The following KCNQ3 variants were observed in gnomAD, a reference collection of about 807,000 sequenced individuals.
KCNQ3 encodes potassium voltage-gated channel subfamily KQT member 3.
Under a neutral mutation model 92.5 loss-of-function variants are expected in KCNQ3, and 30 were observed. The ratio of observed to expected loss-of-function variants is 0.32; its 90% CI spans 0.24 to 0.44. The LOEUF is 0.44. Among genes scored for constraint, KCNQ3 ranks in the 20% least tolerant of loss-of-function variants. The probability of loss-of-function intolerance (pLI) is 1.00; values close to 1 mark genes in which losing one functional copy is unlikely to be tolerated. For missense variants in KCNQ3, 913 were observed against 1,140.3 expected (o/e 0.80, Z 2.87); for synonymous variants, 450 against 468.8 (o/e 0.96, Z 0.52).
chr8:132,323,843 C>T (rs937555929), intron 1 of KCNQ3, among the ~76,000 whole-genome samples: 1 of 152,136 alleles, frequency 6.6e-6, no homozygotes, highest in Admixed American at 6.6e-5. Context: ...TTAAAAAAAA[C>T]ATATCTGATT....
intron 1 of KCNQ3, among the ~76,000 whole-genome samples, chr8:132,409,805 G>A (rs1023023349): frequency 7.9e-5 from 12 of 152,232 alleles, no homozygotes; most frequent in Admixed American, 7.9e-4. Context: ...AGTTGGATAT[G>A]CAGCCCCATT....
intron 1 of KCNQ3, among the ~76,000 whole-genome samples, chr8:132,238,897 T>G (rs1814902082): frequency 6.6e-6 from 1 of 151,970 alleles, no homozygotes; most frequent in South Asian, 2.1e-4. Flanking sequence ...AAGAAAAAAG[T>G]TAATAGAAGG....
At chr8:132,210,259 C>T (rs997167461) in intron 1 of KCNQ3, among the ~76,000 whole-genome samples, 4 of 152,184 alleles carry the variant, frequency 2.6e-5, no homozygotes, top group Admixed American at 2.0e-4. Flanking sequence ...AGGAAGAAAT[C>T]ACCAGCTCAC....
chr8:132,286,865 C>G (rs1816693272), intron 1 of KCNQ3, among the ~76,000 whole-genome samples: 2 of 152,150 alleles, frequency 1.3e-5, no homozygotes, highest in African/African-American at 4.8e-5. Flanking sequence ...CCCATCCCAC[C>G]CATGAGAGTG....
At position 132,124,535 on chromosome 8, in the gene KCNQ3, C is replaced by T. The variant is rs1337042953; in HGVS notation, c.*4727G>A. On this transcript the variant is annotated 3_prime_UTR_variant, in exon 15 of 15. Coordinates refer to ENST00000388996, the MANE Select transcript of KCNQ3 (RefSeq NM_004519.4). ...TGATTCCTCTTTTACACTGCCATTA[C>T]TGGCTTCTAAAACCACTAAAGCTAT... 2 of 152,202 alleles carry T rather than the reference C, an allele frequency of 1.3e-5. No individual in the cohort carries two copies. Among genetic ancestry groups the T allele is most frequent in the Admixed American group, 6.5e-5 (1 of 15,284 alleles). The allele number at this position is 152,202 out of a possible 1,614,324, so 9.4% of individuals were successfully genotyped here. A position where few individuals can be genotyped will look rare whatever the true frequency, so the allele number is the denominator to read the frequency against.
At chr8:132,297,049 CT>C (rs59349165) in intron 1 of KCNQ3, among the ~76,000 whole-genome samples, 3,850 of 152,182 alleles carry the variant, frequency 0.025, 169 homozygotes, top group African/African-American at 0.087. Context: ...TCTCCAGCAT[CT>C]GTTGTTTCCT....
intron 1 of KCNQ3, among the ~76,000 whole-genome samples, chr8:132,417,793 G>A (rs148556974): frequency 3.3e-5 from 5 of 152,310 alleles, no homozygotes; most frequent in East Asian, 3.9e-4. Context: ...GAGTGCTCCC[G>A]GAATATATGC....
chr8:132,141,844 C>T (rs906889927), intron 9 of KCNQ3, among the ~76,000 whole-genome samples: 4 of 152,060 alleles, frequency 2.6e-5, no homozygotes, highest in Non-Finnish European at 2.9e-5. Context: ...TTTGGCAGTC[C>T]GTGAGTTTGG....
chr8:132,336,560 G>C (rs1272183075), intron 1 of KCNQ3, among the ~76,000 whole-genome samples: 1 of 152,162 alleles, frequency 6.6e-6, no homozygotes, highest in Non-Finnish European at 1.5e-5. Context: ...GAATAACGGG[G>C]ATCTGAAGCC....
chr8:132,293,767 G>A (rs1307867412), intron 1 of KCNQ3, among the ~76,000 whole-genome samples: 11 of 152,154 alleles, frequency 7.2e-5, no homozygotes, highest in Non-Finnish European at 1.3e-4. Flanking sequence ...GGCATGACAC[G>A]TGAAATAGTG....
chr8:132,297,341 T>C (rs1817069157), intron 1 of KCNQ3, among the ~76,000 whole-genome samples: 2 of 152,126 alleles, frequency 1.3e-5, no homozygotes, highest in South Asian at 4.1e-4. Flanking sequence ...TTTTGTAGGT[T>C]GCCTGTTCAC....
intron 1 of KCNQ3, among the ~76,000 whole-genome samples, chr8:132,186,893 T>C (rs534843541): frequency 1.9e-4 from 28 of 146,558 alleles, no homozygotes; most frequent in African/African-American, 6.6e-4. Flanking sequence ...GTTATCTTTA[T>C]AAACTGTGAG....
chr8:132,424,268 G>A (rs550518065), intron 1 of KCNQ3, among the ~76,000 whole-genome samples: 1 of 151,442 alleles, frequency 6.6e-6, no homozygotes, highest in South Asian at 2.1e-4. Context: ...CCCCACCCCA[G>A]CCCTTCCTCC....
intron 1 of KCNQ3, among the ~76,000 whole-genome samples, chr8:132,206,983 C>G (rs1413608743): frequency 6.6e-6 from 1 of 152,092 alleles, no homozygotes; most frequent in Admixed American, 6.6e-5. Context: ...ATAAAATATT[C>G]AAAACAATCA....
At chr8:132,366,491 G>A (rs1200384296) in intron 1 of KCNQ3, among the ~76,000 whole-genome samples, 1 of 151,756 alleles carries the variant, frequency 6.6e-6, no homozygotes, top group Non-Finnish European at 1.5e-5. Flanking sequence ...TTAAATAATA[G>A]TGTTGATGGT....
At chr8:132,332,147 G>A (rs1818250071) in intron 1 of KCNQ3, among the ~76,000 whole-genome samples, 2 of 152,126 alleles carry the variant, frequency 1.3e-5, no homozygotes, top group Non-Finnish European at 2.9e-5. Context: ...TCTCACTCTT[G>A]CCAGCAGGGA....
At chr8:132,312,794 G>T (rs531580906) in intron 1 of KCNQ3, among the ~76,000 whole-genome samples, 2 of 152,128 alleles carry the variant, frequency 1.3e-5, no homozygotes, top group Admixed American at 1.3e-4. Flanking sequence ...TTCCCCTTCT[G>T]CCATGATTGT....
chr8:132,262,235 G>A lies in KCNQ3; in HGVS notation c.387-76054C>T, dbSNP rs990523245. 2.0e-5 allele frequency among the ~76,000 whole-genome samples: 3 copies of A among 152,296 alleles called. No homozygotes were observed. In the East Asian group the frequency reaches 5.8e-4, roughly 29 times the overall value. On this transcript the variant is annotated intron_variant, in intron 1 of 14. Coordinates refer to ENST00000388996, the MANE Select transcript of KCNQ3 (RefSeq NM_004519.4). ...TTATGACGCCACTAATTCAGGGGAT[G>A]GAGGAGTGATACCCAAAGGGTATGG...
chr8:132,378,230 CT>C (rs1263634682), intron 1 of KCNQ3, among the ~76,000 whole-genome samples: 2 of 151,940 alleles, frequency 1.3e-5, no homozygotes, highest in East Asian at 3.9e-4. Flanking sequence ...CTCGTCCCTA[CT>C]AAAAATACAA....
Sources: allele counts gnomAD v4.1 joint callset (sites outside exome capture counted in the v4.1 genomes callset), GRCh38; gene constraint gnomAD v4.1.1; transcripts MANE v1.5; gene names NCBI Gene and HGNC (gene_info 2026-07-23, HGNC 2026-07-21).